Variants in CNTN4 observed in about 807,000 individuals in gnomAD.
CNTN4 encodes contactin-4.
A neutral mutation model predicts 122.5 loss-of-function variants in CNTN4; 77 were observed. The ratio of observed to expected loss-of-function variants is 0.63; its 90% CI spans 0.52 to 0.76. CNTN4 has a LOEUF of 0.76. CNTN4 is among the 30% of genes least tolerant of loss of function. The pLI is 0.00. For missense variants in CNTN4, 1,256 were observed against 1,259.1 expected, an observed-to-expected ratio of 1.00 and a Z score of 0.04; for synonymous variants, 512 against 447.0, an observed-to-expected ratio of 1.15 and a Z score of -1.83.
chr3:2,684,040 A>G (rs561757921), intron 4 of CNTN4, among the ~76,000 whole-genome samples: 2 of 152,304 alleles, frequency 1.3e-5, no homozygotes, highest in African/African-American at 4.8e-5. Context: ...CTGATTAGGA[A>G]TAGTGGAGGG....
At chr3:2,605,887 A>T (rs1469978398) in intron 4 of CNTN4, among the ~76,000 whole-genome samples, 1 of 152,204 alleles carries the variant, frequency 6.6e-6, no homozygotes, top group Non-Finnish European at 1.5e-5. Flanking sequence ...TAATTTTAAT[A>T]TGATAATAGT....
At chr3:2,382,832 G>A (rs2046077030) in intron 3 of CNTN4, among the ~76,000 whole-genome samples, 1 of 152,124 alleles carries the variant, frequency 6.6e-6, no homozygotes, top group African/African-American at 2.4e-5. Context: ...CCAGCACTTC[G>A]GGAGGCCGAG....
chr3:2,143,182 A>C (rs1191154997), intron 2 of CNTN4, among the ~76,000 whole-genome samples: 1 of 152,094 alleles, frequency 6.6e-6, no homozygotes, highest in African/African-American at 2.4e-5. Context: ...TTTCTGTTTT[A>C]CGTTTCCCAT....
chr3:2,397,571 A>C (rs937767531), intron 3 of CNTN4, among the ~76,000 whole-genome samples: 1 of 152,090 alleles, frequency 6.6e-6, no homozygotes, highest in Non-Finnish European at 1.5e-5. Context: ...TCAAATACAG[A>C]CTACAGTATG....
At chr3:2,123,563 G>C (rs971679266) in intron 2 of CNTN4, among the ~76,000 whole-genome samples, 2 of 152,174 alleles carry the variant, frequency 1.3e-5, no homozygotes, top group African/African-American at 4.8e-5. Flanking sequence ...GCTGTGTCCA[G>C]CTGTGGTGTA....
intron 4 of CNTN4, among the ~76,000 whole-genome samples, chr3:2,689,512 C>G (rs2085614205): frequency 6.6e-6 from 1 of 152,116 alleles, no homozygotes; most frequent in Admixed American, 6.6e-5. Context: ...TTGCCTCAAC[C>G]CATTTGTCTG....
intron 4 of CNTN4, among the ~76,000 whole-genome samples, chr3:2,620,006 T>C (rs1472090552): frequency 1.2e-4 from 1 of 8,592 alleles, no homozygotes; most frequent in African/African-American, 4.9e-4. Context: ...TCTTCAAATA[T>C]GTACCCAAGT....
chr3:2,916,084 A>G (rs1043791578), intron 12 of CNTN4, among the ~76,000 whole-genome samples: 1 of 152,234 alleles, frequency 6.6e-6, no homozygotes, highest in Non-Finnish European at 1.5e-5. Flanking sequence ...CAAAACGAAA[A>G]CATTCTCGCA....
intron 2 of CNTN4, among the ~76,000 whole-genome samples, chr3:2,271,797 C>G (rs902399713): frequency 1.6e-4 from 25 of 152,120 alleles, no homozygotes; most frequent in African/African-American, 5.8e-4. Flanking sequence ...AGAACCCTAA[C>G]CTTATATTGA....
intron 13 of CNTN4, among the ~76,000 whole-genome samples, chr3:2,940,184 C>A (rs763123269): frequency 2.6e-4 from 39 of 152,154 alleles, no homozygotes; most frequent in Non-Finnish European, 1.0e-4. Context: ...CTGATTTATG[C>A]AGAGTGTGCA....
chr3:2,515,561 T>C (rs1317688207), intron 3 of CNTN4, among the ~76,000 whole-genome samples: 1 of 152,140 alleles, frequency 6.6e-6, no homozygotes, highest in Admixed American at 6.6e-5. Context: ...GTAAGCAACT[T>C]TGTGAAACAT....
intron 3 of CNTN4, among the ~76,000 whole-genome samples, chr3:2,543,613 A>T (rs1043113363): frequency 6.6e-6 from 1 of 152,058 alleles, no homozygotes; most frequent in Non-Finnish European, 1.5e-5. Context: ...AGGGAGCCAA[A>T]ACAAGACAAT....
At position 2,385,844 on chromosome 3, in the gene CNTN4, G is replaced by T. The variant is rs530420938; in HGVS notation, c.-89+46611G>T. Among the ~76,000 whole-genome samples, 1 of 151,956 alleles carries T rather than the reference G, an allele frequency of 6.6e-6. No homozygotes were observed. Among genetic ancestry groups the T allele is most frequent in the Non-Finnish European group, 1.5e-5 (1 of 68,010 alleles). ...AAGGTCACATTCACACGTACCAGGG[G>T]TCAAGACTTCAACACATCTTTTTAG... On this transcript the variant is annotated intron_variant, in intron 3 of 24. Coordinates refer to ENST00000418658, the MANE Select transcript of CNTN4 (RefSeq NM_175607.3). The surrounding 1 kb of genome is among the most constrained non-coding windows in gnomAD (Gnocchi z 4.0).
intron 3 of CNTN4, among the ~76,000 whole-genome samples, chr3:2,448,556 C>T (rs936482066): frequency 1.3e-5 from 2 of 152,102 alleles, no homozygotes; most frequent in Non-Finnish European, 2.9e-5. Flanking sequence ...GAAGGTTGGT[C>T]GAGGGCATGA....
At chr3:2,488,232 T>C (rs1344688818) in intron 3 of CNTN4, among the ~76,000 whole-genome samples, 2 of 152,234 alleles carry the variant, frequency 1.3e-5, no homozygotes. Context: ...TAGGAAAATG[T>C]ACAGCAAGTC....
intron 3 of CNTN4, among the ~76,000 whole-genome samples, chr3:2,521,343 T>TCGTCCCCCCC (rs781282977): frequency 7.8e-6 from 1 of 128,310 alleles, no homozygotes; most frequent in African/African-American, 3.1e-5. Context: ...CCTCTACCCA[T>TCGTCCCCCCC]CCCCCCCACC....
intron 4 of CNTN4, among the ~76,000 whole-genome samples, chr3:2,692,437 G>A (rs1285033940): frequency 2.6e-5 from 4 of 152,136 alleles, no homozygotes. Flanking sequence ...ATTGGGGCTG[G>A]AGAGAGGGAG....
intron 2 of CNTN4, among the ~76,000 whole-genome samples, chr3:2,148,922 A>T (rs553664818): frequency 6.7e-6 from 1 of 148,252 alleles, no homozygotes; most frequent in East Asian, 2.0e-4. Flanking sequence ...ATTGAACATT[A>T]CATCCCCTTA....
chr3:2,900,927 C>T (rs2094166079), intron 11 of CNTN4, 106 bp downstream of exon 11: 2 of 1,373,838 alleles, frequency 1.5e-6, no homozygotes, highest in South Asian at 2.4e-5. Flanking sequence ...AAATAATATG[C>T]AATGAAACAG....
Sources: gnomAD v4.1 joint callset for allele counts (sites outside exome capture counted in the v4.1 genomes callset) on GRCh38, gnomAD v4.1.1 for gene constraint, Gnocchi (gnomAD v3.1) non-coding constraint, MANE v1.5 for transcripts, NCBI Gene and HGNC (gene_info 2026-07-23, HGNC 2026-07-21) for gene names.